The following SIL1 variants were observed in gnomAD, a reference collection of about 807,000 sequenced individuals.
SIL1 encodes the protein nucleotide exchange factor SIL1.
SIL1 carries 40 observed loss-of-function variants against 49.1 expected under a neutral mutation model. The ratio of observed to expected loss-of-function variants is 0.81; its 90% confidence interval spans 0.63 to 1.06. The LOEUF (loss-of-function observed/expected upper bound fraction) is 1.06. SIL1 is among the 50% of genes least tolerant of loss of function. SIL1 has a pLI of 0.00. For missense variants in SIL1, 500 were observed against 572.6 expected (o/e 0.87, Z 1.29); for synonymous variants, 253 against 250.8 (o/e 1.01, Z -0.08).
chr5:139,074,071 G>C (rs1028733601), intron 3 of SIL1, among the ~76,000 whole-genome samples: 1 of 152,094 alleles, frequency 6.6e-6, no homozygotes, highest in Admixed American at 6.6e-5. Context: ...TTGTTTTGTT[G>C]TTTGAGACAA....
intron 7 of SIL1, among the ~76,000 whole-genome samples, chr5:139,002,491 T>TAAA (rs577873393): frequency 6.6e-6 from 1 of 152,026 alleles, no homozygotes; most frequent in South Asian, 2.1e-4. Context: ...AAGTATCTCA[T>TAAA]AAAAAAATAG....
chr5:139,151,404 A>T (rs116489880), intron 1 of SIL1, among the ~76,000 whole-genome samples: 4,262 of 152,234 alleles, frequency 0.028, 202 homozygotes, highest in African/African-American at 0.097. Flanking sequence ...AAAACACACT[A>T]TCTGTCTGGA....
chr5:138,970,629 T>G (rs1767248281), intron 7 of SIL1, among the ~76,000 whole-genome samples: 1 of 152,182 alleles, frequency 6.6e-6, no homozygotes, highest in African/African-American at 2.4e-5. Flanking sequence ...TTTGCTTCTC[T>G]CCAGTTTTCT....
intron 3 of SIL1, among the ~76,000 whole-genome samples, chr5:139,077,276 A>G (rs1769973518): frequency 6.6e-6 from 1 of 152,234 alleles, no homozygotes; most frequent in African/African-American, 2.4e-5. Flanking sequence ...GGCTTAATAC[A>G]TAATACCTTT....
Position 139,193,773 on chromosome 5 carries a change from G to A in SIL1, c.-11+4496C>T, listed in dbSNP as rs147729153. 8.5e-5 allele frequency among the ~76,000 whole-genome samples: 13 copies of A among 152,260 alleles called. No individual in the cohort carries two copies. In the East Asian group the frequency reaches 2.5e-3, roughly 29 times the overall value. ...GTTTGCCCCGGACTTTCCTGCTTTT[G>A]GCACTAAAAGTCCCACATACGGATA... is the stretch of plus-strand genomic sequence containing the variant. On this transcript the variant is annotated intron_variant, in intron 1 of 9. Coordinates refer to ENST00000394817, the MANE Select transcript of SIL1 (RefSeq NM_022464.5).
chr5:139,075,305 T>G (rs1769925275), intron 3 of SIL1, among the ~76,000 whole-genome samples: 1 of 152,170 alleles, frequency 6.6e-6, no homozygotes. Flanking sequence ...GCATGACATT[T>G]TAAAAACTCC....
At chr5:139,039,779 C>T (rs1768997944) in intron 5 of SIL1, among the ~76,000 whole-genome samples, 1 of 152,110 alleles carries the variant, frequency 6.6e-6, no homozygotes, top group Admixed American at 6.6e-5. Context: ...TCTTAAAAAA[C>T]AATAATTTGT....
chr5:138,964,176 A>G (rs1420120322), intron 7 of SIL1, among the ~76,000 whole-genome samples: 1 of 152,256 alleles, frequency 6.6e-6, no homozygotes, highest in East Asian at 1.9e-4. Flanking sequence ...GTTTGCAAAC[A>G]TGCTATTTGT....
Position 139,169,450 on chromosome 5 carries a change from G to A in SIL1, c.-11+28819C>T, listed in dbSNP as rs114352790. ...AAACAGAAAAGTATGGTGTGTGTGT[G>A]TGTATGTGTGTGTGTATATAGATAG... On this transcript the variant is annotated intron_variant, in intron 1 of 9. Coordinates refer to ENST00000394817, the MANE Select transcript of SIL1 (RefSeq NM_022464.5). 3.6e-3 allele frequency among the ~76,000 whole-genome samples: 545 copies of A among 150,548 alleles called. 4 individuals are homozygous for A. Among genetic ancestry groups the A allele is most frequent in the African/African-American group, 0.011 (464 of 40,792 alleles).
chr5:139,080,104 C>T (rs989101884), intron 3 of SIL1, among the ~76,000 whole-genome samples: 5 of 152,262 alleles, frequency 3.3e-5, no homozygotes, highest in African/African-American at 1.2e-4. Flanking sequence ...TGGCAATAGA[C>T]CGTGAATGAT....
chr5:138,996,239 T>C (rs956880480), intron 7 of SIL1, among the ~76,000 whole-genome samples: 2 of 152,350 alleles, frequency 1.3e-5, no homozygotes, highest in Non-Finnish European at 2.9e-5. Context: ...AGTGAGATGA[T>C]ATCCCATTGT....
At chr5:139,174,447 C>T (rs182999162) in intron 1 of SIL1, among the ~76,000 whole-genome samples, 100 of 152,200 alleles carry the variant, frequency 6.6e-4, no homozygotes, top group South Asian at 1.2e-3. Context: ...CGCCACCAAA[C>T]TCCAGCCTGG....
At chr5:139,017,912 T>G (rs1336921023) in intron 7 of SIL1, among the ~76,000 whole-genome samples, 3 of 152,010 alleles carry the variant, frequency 2.0e-5, no homozygotes, top group African/African-American at 7.3e-5. Flanking sequence ...CCAATGAAAG[T>G]ATTTACTTGA....
At chr5:138,985,404 A>G (rs1349583167) in intron 7 of SIL1, among the ~76,000 whole-genome samples, 3 of 152,234 alleles carry the variant, frequency 2.0e-5, no homozygotes, top group Non-Finnish European at 2.9e-5. Context: ...ACTCCTGTGT[A>G]AATGAGCTGC....
At chr5:139,162,683 C>G (rs116157907) in intron 1 of SIL1, among the ~76,000 whole-genome samples, 4,572 of 152,272 alleles carry the variant, frequency 0.03, 263 homozygotes, top group African/African-American at 0.11. Flanking sequence ...AGAACACATT[C>G]TCATTCACAG....
chr5:138,957,751 C>G (rs149188078), intron 7 of SIL1, among the ~76,000 whole-genome samples: 124 of 152,166 alleles, frequency 8.1e-4, no homozygotes, highest in African/African-American at 2.7e-3. Context: ...TATGAAGACC[C>G]TTTACCCCTA....
chr5:139,136,803 G>A (rs1189640676), intron 1 of SIL1, among the ~76,000 whole-genome samples: 1 of 152,050 alleles, frequency 6.6e-6, no homozygotes, highest in Non-Finnish European at 1.5e-5. Context: ...AAGTCTTAAT[G>A]AGAAAAGAGA....
intron 3 of SIL1, among the ~76,000 whole-genome samples, chr5:139,080,362 G>A (rs1770046512): frequency 6.6e-6 from 1 of 152,186 alleles, no homozygotes; most frequent in Non-Finnish European, 1.5e-5. Context: ...GCCAAGTCCT[G>A]GCTAGAGCTT....
At chr5:138,967,787 C>A (rs888534706) in intron 7 of SIL1, among the ~76,000 whole-genome samples, 4 of 151,776 alleles carry the variant, frequency 2.6e-5, no homozygotes, top group African/African-American at 9.7e-5. Flanking sequence ...AGGACTAGAG[C>A]CTGCTTTCCC....
Sources: gnomAD v4.1 joint callset for allele counts (sites outside exome capture counted in the v4.1 genomes callset) on GRCh38, gnomAD v4.1.1 for gene constraint, MANE v1.5 for transcripts, NCBI Gene and HGNC (gene_info 2026-07-23, HGNC 2026-07-21) for gene names.